The following GMDS variants were observed in gnomAD, a reference collection of about 807,000 sequenced individuals.
GMDS encodes the protein GDP-mannose 4,6-dehydratase, also known as GDP-mannose 4,6 dehydratase.
GMDS carries 20 observed loss-of-function variants against 49.9 expected under a neutral mutation model. That is an observed-to-expected ratio of 0.40 (90% CI 0.28 to 0.58). GMDS has a LOEUF of 0.58. Among genes scored for constraint, GMDS ranks in the 20% least tolerant of loss-of-function variants. GMDS has a pLI of 0.42. For missense variants in GMDS, 362 were observed against 481.4 expected (o/e 0.75, Z 2.32); for synonymous variants, 177 against 178.6 (o/e 0.99, Z 0.07).
chr6:1,658,112 T>A (rs575347376), intron 9 of GMDS, among the ~76,000 whole-genome samples: 3 of 152,332 alleles, frequency 2.0e-5, no homozygotes, highest in Admixed American at 2.0e-4. Flanking sequence ...GAATTCCAAG[T>A]GAAAAGACAT....
chr6:2,129,642 T>C (rs1194240618), intron 1 of GMDS, among the ~76,000 whole-genome samples: 1 of 152,226 alleles, frequency 6.6e-6, no homozygotes, highest in Non-Finnish European at 1.5e-5. Flanking sequence ...TTATGTTCTT[T>C]AACTCCATGT....
chr6:2,103,309 G>A (rs1774031613), intron 4 of GMDS, among the ~76,000 whole-genome samples: 1 of 152,164 alleles, frequency 6.6e-6, no homozygotes, highest in Admixed American at 6.5e-5. Flanking sequence ...AATGAGGGAA[G>A]GGGTTGTTAA....
rs1435156773 is a variant in GMDS at position 2,117,489 on chromosome 6, G to T, written c.215C>A (p.Pro72His). 9.4e-6 allele frequency: 15 copies of T among 1,594,224 alleles called. No homozygotes were observed. The highest frequency in any genetic ancestry group is 1.3e-5 in the Non-Finnish European group (15 of 1,162,118). ...CTTACTTCCTTCAATGTGAGCCTGG[G>T]GATTCTTATACAGATGCTCAATTCG... ...TGRIEHLYKN[P>H]QAHIEGNMKL... The change falls in exon 3 of 11, where the codon CCC becomes CAC. Residue 72 changes from proline to histidine, a missense_variant. Transcript: ENST00000380815.
chr6:2,010,363 C>T (rs1053600104), intron 4 of GMDS, among the ~76,000 whole-genome samples: 1 of 147,548 alleles, frequency 6.8e-6, no homozygotes, highest in Non-Finnish European at 1.5e-5. Flanking sequence ...AAAAAAAACA[C>T]ATAGCACATC....
intron 1 of GMDS, among the ~76,000 whole-genome samples, chr6:2,196,505 A>T (rs2127573058): frequency 6.6e-6 from 1 of 152,354 alleles, no homozygotes; most frequent in East Asian, 1.9e-4. Context: ...CTGTTTTCTT[A>T]TGTTTTTTTC....
chr6:1,697,823 G>A (rs1197792411), intron 9 of GMDS, among the ~76,000 whole-genome samples: 1 of 152,194 alleles, frequency 6.6e-6, no homozygotes, highest in Non-Finnish European at 1.5e-5. Flanking sequence ...CTCACGAGAG[G>A]AAGCTTTCTT....
chr6:2,039,128 T>C (rs1271764245), intron 4 of GMDS, among the ~76,000 whole-genome samples: 1 of 152,180 alleles, frequency 6.6e-6, no homozygotes, highest in Admixed American at 6.5e-5. Context: ...TACTGAATAC[T>C]GTAGGCAACT....
At chr6:2,051,883 C>A (rs867276861) in intron 4 of GMDS, among the ~76,000 whole-genome samples, 3 of 152,002 alleles carry the variant, frequency 2.0e-5, no homozygotes, top group South Asian at 2.1e-4. Flanking sequence ...CTTTGGGAGG[C>A]CTAGGCGGGC....
At chr6:1,969,989 G>A (rs1277284950) in intron 4 of GMDS, among the ~76,000 whole-genome samples, 1 of 152,134 alleles carries the variant, frequency 6.6e-6, no homozygotes, top group Non-Finnish European at 1.5e-5. Context: ...TGAAGTTTAG[G>A]CATATAATTC....
intron 4 of GMDS, among the ~76,000 whole-genome samples, chr6:1,997,163 C>T (rs1766333590): frequency 6.6e-6 from 1 of 151,970 alleles, no homozygotes; most frequent in Admixed American, 6.6e-5. Context: ...CTGATAACTG[C>T]TTCTTAAGAC....
intron 1 of GMDS, among the ~76,000 whole-genome samples, chr6:2,148,684 T>C (rs572667780): frequency 6.6e-6 from 1 of 152,268 alleles, no homozygotes; most frequent in South Asian, 2.1e-4. Context: ...CCTCCCAAAG[T>C]GCTGGGATTA....
At chr6:1,837,479 G>A (rs913852373) in intron 7 of GMDS, among the ~76,000 whole-genome samples, 4 of 152,134 alleles carry the variant, frequency 2.6e-5, no homozygotes, top group Non-Finnish European at 5.9e-5. Context: ...CATACACGAT[G>A]CTTAATGGCA....
At chr6:2,009,214 A>G (rs956295050) in intron 4 of GMDS, among the ~76,000 whole-genome samples, 2 of 152,186 alleles carry the variant, frequency 1.3e-5, no homozygotes, top group Non-Finnish European at 2.9e-5. Context: ...ATGCCTCTAC[A>G]TTCTGTATTT....
intron 7 of GMDS, among the ~76,000 whole-genome samples, chr6:1,884,040 G>A (rs1759487627): frequency 6.6e-6 from 1 of 152,098 alleles, no homozygotes; most frequent in Non-Finnish European, 1.5e-5. Context: ...TTGATTTAAT[G>A]TAATTACAAT....
chr6:2,183,071 T>A (rs1415177514), intron 1 of GMDS, among the ~76,000 whole-genome samples: 1 of 152,178 alleles, frequency 6.6e-6, no homozygotes, highest in Non-Finnish European at 1.5e-5. Flanking sequence ...AGAGCTCTGA[T>A]GGAGATGTAC....
chr6:2,145,989 C>T (rs899619326), intron 1 of GMDS, among the ~76,000 whole-genome samples: 1 of 152,174 alleles, frequency 6.6e-6, no homozygotes, highest in Non-Finnish European at 1.5e-5. Context: ...ACTATGCTGG[C>T]AAGTGCATGG....
At chr6:1,807,822 T>C (rs930684185) in intron 7 of GMDS, among the ~76,000 whole-genome samples, 1 of 152,148 alleles carries the variant, frequency 6.6e-6, no homozygotes, top group African/African-American at 2.4e-5. Flanking sequence ...AATATCTTCA[T>C]AATCATAAGG....
intron 7 of GMDS, among the ~76,000 whole-genome samples, chr6:1,925,777 C>G (rs1761969962): frequency 6.6e-6 from 1 of 152,184 alleles, no homozygotes; most frequent in African/African-American, 2.4e-5. Context: ...ACCCCCAGGC[C>G]TATGCCCACG....
chr6:2,045,229 A>G (rs1235721868), intron 4 of GMDS, among the ~76,000 whole-genome samples: 1 of 151,928 alleles, frequency 6.6e-6, no homozygotes, highest in Non-Finnish European at 1.5e-5. Flanking sequence ...TCTAAAAGAT[A>G]TTTCATCTCT....
Sources: gnomAD v4.1 joint callset for allele counts (sites outside exome capture counted in the v4.1 genomes callset) on GRCh38, gnomAD v4.1.1 for gene constraint, MANE v1.5 for transcripts, NCBI Gene and HGNC (gene_info 2026-07-23, HGNC 2026-07-21) for gene names.